The following NAV3 variants were observed in gnomAD, a reference collection of about 807,000 sequenced individuals.
The protein encoded by NAV3 is pore membrane and/or filament interacting like protein 1.
A neutral mutation model predicts 244.7 loss-of-function variants in NAV3; 87 were observed. That is an observed-to-expected ratio of 0.36 (90% CI 0.30 to 0.42). NAV3 has a LOEUF of 0.42. Among genes scored for constraint, NAV3 ranks in the 20% least tolerant of loss-of-function variants. The pLI, the probability that NAV3 is intolerant of heterozygous loss-of-function variation, is 1.00. For missense variants in NAV3, 2,663 were observed against 2,893.3 expected, an observed-to-expected ratio of 0.92 and a Z score of 1.83; for synonymous variants, 1,126 against 1,042.2, an observed-to-expected ratio of 1.08 and a Z score of -1.55.
At chr12:78,068,374 A>G (rs1276067355) in intron 12 of NAV3, among the ~76,000 whole-genome samples, 1 of 151,116 alleles carries the variant, frequency 6.6e-6, no homozygotes. Flanking sequence ...TAATTTTTCC[A>G]TTTTGACCTA....
intron 2 of NAV3, among the ~76,000 whole-genome samples, chr12:77,729,334 T>TC (rs1877020782): frequency 6.6e-6 from 1 of 151,956 alleles, no homozygotes; most frequent in African/African-American, 2.4e-5. Context: ...AAAGTAGTTT[T>TC]AATGGCAAGG....
chr12:77,905,061 G>A (rs549443755), intron 1 of NAV3, among the ~76,000 whole-genome samples: 129 of 152,108 alleles, frequency 8.5e-4, no homozygotes, highest in African/African-American at 3.0e-3. Context: ...TATTCTCCCC[G>A]TGGTCTCCAA....
Position 78,050,914 on chromosome 12 carries a change from T to C in NAV3, c.2283T>C (p.Ala761=). ...CGGGAGATGCTCCCTCCCTGGGTGC[T>C]GGCTATCCTCGCAGTGGTACCAGTC... is the stretch of plus-strand genomic sequence containing the variant. The part of the protein sequence containing the change: ...LQAGDAPSLG[A]GYPRSGTSRF... Residue 761 remains alanine, a synonymous_variant, in exon 11 of 40, where the codon GCT becomes GCC. Coordinates refer to ENST00000397909, the MANE Select transcript of NAV3 (RefSeq NM_001024383.2). 1 of 1,614,054 alleles carries C rather than the reference T, an allele frequency of 6.2e-7. No homozygotes were observed. The highest frequency in any genetic ancestry group is 1.7e-5 in the Admixed American group (1 of 60,004).
At chr12:78,159,667 T>G (rs555893959) in intron 23 of NAV3, among the ~76,000 whole-genome samples, 7 of 151,952 alleles carry the variant, frequency 4.6e-5, no homozygotes, top group South Asian at 2.1e-4. Flanking sequence ...AAAAAAAGAA[T>G]AATAATAATA....
intron 2 of NAV3, among the ~76,000 whole-genome samples, chr12:77,624,992 C>A (rs1018767745): frequency 2.0e-5 from 3 of 152,116 alleles, no homozygotes; most frequent in Non-Finnish European, 1.5e-5. Flanking sequence ...ATAATCTGTG[C>A]AGCAAACAAC....
chr12:78,079,038 A>G (rs1327068606), intron 12 of NAV3, among the ~76,000 whole-genome samples: 2 of 152,146 alleles, frequency 1.3e-5, no homozygotes, highest in African/African-American at 2.4e-5. Flanking sequence ...ACATCCTCCT[A>G]TGTCCTAGCA....
chr12:78,059,043 G>A lies in NAV3; in HGVS notation c.2564G>A (p.Arg855Gln), dbSNP rs374085687. The stretch of plus-strand genomic sequence containing the variant: ...AACCTATATACTAGAAGTCTGAACC[G>A]AATACCAGACACAGCAACTTCCCGG... ...GLNLYTRSLN[R>Q]IPDTATSRDI... Residue 855 changes from arginine (R) to glutamine (Q), a missense_variant, in exon 12 of 40, where the codon CGA becomes CAA. By Grantham distance (43) the Arg-to-Gln change is conservative. Transcript: ENST00000397909. 32 of 1,610,408 alleles carry A rather than the reference G, an allele frequency of 2.0e-5. No individual in the cohort carries two copies. The African/African-American group carries it at 2.7e-4, about 13-fold the overall frequency.
At chr12:77,689,457 G>A (rs930009934) in intron 2 of NAV3, among the ~76,000 whole-genome samples, 2 of 151,914 alleles carry the variant, frequency 1.3e-5, no homozygotes, top group African/African-American at 4.8e-5. Flanking sequence ...ACCAATGCAA[G>A]AGAACCCAAA....
intron 33 of NAV3, among the ~76,000 whole-genome samples, chr12:78,189,657 C>T (rs1958886742): frequency 6.6e-6 from 1 of 151,610 alleles, no homozygotes; most frequent in Non-Finnish European, 1.5e-5. Context: ...CAAAGATAAT[C>T]ATCTTCAATA....
chr12:78,141,645 A>G (rs1410643922), intron 20 of NAV3, among the ~76,000 whole-genome samples: 1 of 152,142 alleles, frequency 6.6e-6, no homozygotes, highest in Non-Finnish European at 1.5e-5. Context: ...TATTTTTCTA[A>G]TCTCTCCTTT....
At chr12:78,174,265 C>G (rs1457602981) in intron 24 of NAV3, among the ~76,000 whole-genome samples, 1 of 151,676 alleles carries the variant, frequency 6.6e-6, no homozygotes, top group Admixed American at 6.6e-5. Flanking sequence ...AACTATAAAT[C>G]TTATAGTTGC....
At chr12:77,918,158 C>T (rs978423862) in intron 1 of NAV3, among the ~76,000 whole-genome samples, 3 of 152,114 alleles carry the variant, frequency 2.0e-5, no homozygotes, top group African/African-American at 7.2e-5. Context: ...TGATATTACA[C>T]TCTTCCCTCT....
Position 77,680,271 on chromosome 12 carries a change from G to A in NAV3, c.72+108005G>A, listed in dbSNP as rs561963424. 2.6e-4 allele frequency among the ~76,000 whole-genome samples: 39 copies of A among 152,184 alleles called. No individual in the cohort carries two copies. In the South Asian group the frequency reaches 7.9e-3, roughly 31 times the overall value. ...AGGAGGGTAAGGGACTGGGAATTGAGGTGTACTTTTTTCCCAACCTAATGC... is the reference window on the plus strand; with the variant it reads ...AGGAGGGTAAGGGACTGGGAATTGAAGTGTACTTTTTTCCCAACCTAATGC... On this transcript the variant is annotated intron_variant, in intron 2 of 8. Transcript: ENST00000550042.
At chr12:77,765,287 G>A (rs909459661) in intron 2 of NAV3, among the ~76,000 whole-genome samples, 1 of 152,134 alleles carries the variant, frequency 6.6e-6, no homozygotes, top group Non-Finnish European at 1.5e-5. Flanking sequence ...ACTGTCTGCT[G>A]TTTGCTCCAT....
intron 29 of NAV3, 28 bp from the exon 30 acceptor site, chr12:78,180,843 T>C (rs1958467953): frequency 6.3e-7 from 1 of 1,583,108 alleles, no homozygotes; most frequent in Non-Finnish European, 8.6e-7. Context: ...CAACTCAGTT[T>C]TTTTCATGTT....
At chr12:77,680,360 C>T (rs1042478141) in intron 2 of NAV3, among the ~76,000 whole-genome samples, 3 of 152,076 alleles carry the variant, frequency 2.0e-5, no homozygotes, top group African/African-American at 7.2e-5. Context: ...ATCTTTCCAC[C>T]TCACCCACAC....
At chr12:77,581,827 A>T (rs1024900517) in intron 2 of NAV3, among the ~76,000 whole-genome samples, 1 of 152,190 alleles carries the variant, frequency 6.6e-6, no homozygotes, top group Non-Finnish European at 1.5e-5. Context: ...TTCTGCATTT[A>T]TGGGGTACCT....
chr12:77,636,222 T>C (rs1250013646), intron 2 of NAV3, among the ~76,000 whole-genome samples: 2 of 152,048 alleles, frequency 1.3e-5, no homozygotes, highest in African/African-American at 4.8e-5. Context: ...TCACAGCACT[T>C]TGGCAGGCCA....
intron 2 of NAV3, among the ~76,000 whole-genome samples, chr12:77,585,773 G>A (rs975977562): frequency 7.9e-5 from 12 of 152,166 alleles, no homozygotes; most frequent in African/African-American, 2.9e-4. Context: ...AGCCAGTACT[G>A]GTCCAGCCTG....
Sources: allele counts gnomAD v4.1 joint callset (sites outside exome capture counted in the v4.1 genomes callset), GRCh38; gene constraint gnomAD v4.1.1; transcripts MANE v1.5; gene names NCBI Gene and HGNC (gene_info 2026-07-23, HGNC 2026-07-21).